SLC25A21: variants seen among roughly 807,000 people sequenced by gnomAD.
SLC25A21 encodes the protein solute carrier family 25 member 21.
SLC25A21 carries 47 observed loss-of-function variants against 43.8 expected under a neutral mutation model. The ratio of observed to expected loss-of-function variants is 1.07; its 90% CI spans 0.85 to 1.37. The LOEUF (loss-of-function observed/expected upper bound fraction) is 1.37, where lower values mean the gene tolerates loss of function less well. Among genes scored for constraint, SLC25A21 ranks in the 40% most tolerant of loss-of-function variants. SLC25A21 has a pLI of 0.00. For synonymous variants in SLC25A21, 131 were observed against 121.3 expected (o/e 1.08, Z -0.52); for missense variants, 352 against 350.2 (o/e 1.00, Z -0.04).
chr14:37,165,114 C>T (rs984611519), intron 1 of SLC25A21, among the ~76,000 whole-genome samples: 24 of 152,186 alleles, frequency 1.6e-4, no homozygotes, highest in South Asian at 2.1e-4. Flanking sequence ...CAGTGGCTCA[C>T]GCCTGTAATC....
At chr14:37,081,581 CAAAG>C (rs958356650) in intron 1 of SLC25A21, among the ~76,000 whole-genome samples, 1 of 152,164 alleles carries the variant, frequency 6.6e-6, no homozygotes, top group Non-Finnish European at 1.5e-5. Context: ...GGCCCACAAA[CAAAG>C]AGGGAAATAC....
At chr14:36,730,884 C>A (rs1418708547) in intron 4 of SLC25A21, among the ~76,000 whole-genome samples, 1 of 152,046 alleles carries the variant, frequency 6.6e-6, no homozygotes, top group Non-Finnish European at 1.5e-5. Flanking sequence ...TAGTACTCAA[C>A]GGCAAACACC....
At chr14:37,049,637 C>A (rs1961662870) in intron 1 of SLC25A21, among the ~76,000 whole-genome samples, 1 of 152,074 alleles carries the variant, frequency 6.6e-6, no homozygotes, top group African/African-American at 2.4e-5. Flanking sequence ...ACACTTCAGA[C>A]TGATGTTGTA....
chr14:37,100,596 C>T (rs961280602), intron 1 of SLC25A21, among the ~76,000 whole-genome samples: 5 of 152,302 alleles, frequency 3.3e-5, no homozygotes, highest in African/African-American at 7.2e-5. Flanking sequence ...ACTAGGAACA[C>T]GGCAAGTTAA....
chr14:37,153,349 G>T (rs1223352120), intron 1 of SLC25A21, among the ~76,000 whole-genome samples: 2 of 152,224 alleles, frequency 1.3e-5, no homozygotes, highest in African/African-American at 4.8e-5. Context: ...CTGGAATGAG[G>T]AGTAAGATGG....
intron 7 of SLC25A21, among the ~76,000 whole-genome samples, chr14:36,693,662 C>A (rs1882888970): frequency 1.3e-5 from 2 of 151,998 alleles, no homozygotes; most frequent in African/African-American, 4.8e-5. Flanking sequence ...AAGACAGGCT[C>A]TTGTTTTGTC....
chr14:37,061,470 T>C (rs1196131576), intron 1 of SLC25A21, among the ~76,000 whole-genome samples: 1 of 151,562 alleles, frequency 6.6e-6, no homozygotes, highest in Non-Finnish European at 1.5e-5. Flanking sequence ...CTGATTTATT[T>C]GTAATTCCCT....
At chr14:36,741,839 T>G (rs564575246) in intron 3 of SLC25A21, among the ~76,000 whole-genome samples, 1 of 152,206 alleles carries the variant, frequency 6.6e-6, no homozygotes, top group African/African-American at 2.4e-5. Context: ...AGATCCCCAG[T>G]TGGGGAAATT....
chr14:36,695,220 T>C (rs1473765088), intron 7 of SLC25A21, among the ~76,000 whole-genome samples: 1 of 152,180 alleles, frequency 6.6e-6, no homozygotes. Flanking sequence ...CAGATGGTTG[T>C]AGATGTGTGG....
chr14:36,998,732 T>G (rs990398665), intron 1 of SLC25A21, among the ~76,000 whole-genome samples: 1 of 146,026 alleles, frequency 6.8e-6, no homozygotes, highest in African/African-American at 2.5e-5. Flanking sequence ...AATTGAAAAA[T>G]GGGCCAAAGA....
chr14:36,752,609 C>A (rs1330889841), intron 3 of SLC25A21, among the ~76,000 whole-genome samples: 1 of 152,186 alleles, frequency 6.6e-6, no homozygotes, highest in Non-Finnish European at 1.5e-5. Flanking sequence ...CACCATGCTA[C>A]ATGGAATAAG....
chr14:37,013,903 T>G, intron 1 of SLC25A21, among the ~76,000 whole-genome samples: 1 of 152,216 alleles, frequency 6.6e-6, no homozygotes, highest in Admixed American at 6.6e-5. Flanking sequence ...ATATAAAAGT[T>G]ATGTTCACAC....
At chr14:36,723,771 C>T (rs187227705) in intron 6 of SLC25A21, among the ~76,000 whole-genome samples, 2 of 152,294 alleles carry the variant, frequency 1.3e-5, no homozygotes, top group East Asian at 3.9e-4. Context: ...AGCCGAGGTG[C>T]CCTGATAACT....
intron 6 of SLC25A21, among the ~76,000 whole-genome samples, chr14:36,719,626 G>A (rs1029440654): frequency 2.0e-5 from 3 of 152,154 alleles, no homozygotes; most frequent in African/African-American, 7.2e-5. Flanking sequence ...TTGGAGGAAG[G>A]GTGGCAAGGA....
intron 1 of SLC25A21, among the ~76,000 whole-genome samples, chr14:37,068,821 T>A (rs1467569380): frequency 2.6e-5 from 4 of 152,226 alleles, no homozygotes; most frequent in Non-Finnish European, 5.9e-5. Flanking sequence ...AATCATATTT[T>A]CTTTCAATTC....
intron 1 of SLC25A21, among the ~76,000 whole-genome samples, chr14:37,069,305 A>C (rs1962126089): frequency 6.6e-6 from 1 of 152,226 alleles, no homozygotes; most frequent in Non-Finnish European, 1.5e-5. Flanking sequence ...TGCACCCACC[A>C]TCTCATAAGA....
chr14:36,826,410 T>C (rs1040492579), intron 2 of SLC25A21, among the ~76,000 whole-genome samples: 3 of 152,190 alleles, frequency 2.0e-5, no homozygotes, highest in Non-Finnish European at 4.4e-5. Context: ...TTCTCTCTTT[T>C]TCCTATGCAG....
At chr14:37,069,817 C>G (rs1262073755) in intron 1 of SLC25A21, among the ~76,000 whole-genome samples, 4 of 152,278 alleles carry the variant, frequency 2.6e-5, no homozygotes, top group Non-Finnish European at 5.9e-5. Context: ...GGCTGGGTCT[C>G]ATTTATTATG....
chr14:36,880,749 A>G (rs980367032), intron 1 of SLC25A21, among the ~76,000 whole-genome samples: 5 of 152,228 alleles, frequency 3.3e-5, no homozygotes, highest in African/African-American at 1.2e-4. Context: ...CATTCATAAA[A>G]TGATAGTAAA....
Sources: allele counts gnomAD v4.1 joint callset (sites outside exome capture counted in the v4.1 genomes callset), GRCh38; gene constraint gnomAD v4.1.1; transcripts MANE v1.5; gene names NCBI Gene and HGNC (gene_info 2026-07-23, HGNC 2026-07-21).